Variants in NECTIN1 observed in about 807,000 individuals in gnomAD.
NECTIN1 encodes nectin-1.
A neutral mutation model predicts 48.0 loss-of-function variants in NECTIN1; 23 were observed. The observed-to-expected ratio is 0.48, with a 90% CI of 0.34 to 0.68. The LOEUF (loss-of-function observed/expected upper bound fraction) is 0.68, where lower values mean the gene tolerates loss of function less well. Ranked by LOEUF, NECTIN1 falls within the 30% of genes least tolerant of loss-of-function variation. The pLI is 0.01. For synonymous variants in NECTIN1, 270 were observed against 288.9 expected, an observed-to-expected ratio of 0.93 and a Z score of 0.66; for missense variants, 591 against 709.9, an observed-to-expected ratio of 0.83 and a Z score of 1.90.
intron 1 of NECTIN1, among the ~76,000 whole-genome samples, chr11:119,701,873 C>A (rs117903293): frequency 6.6e-6 from 1 of 152,274 alleles, no homozygotes; most frequent in South Asian, 2.1e-4. Context: ...GCTCCCGCCC[C>A]GTCCCTGTCC....
In NECTIN1 at chr11:119,662,995, A is replaced by G; in HGVS notation, c.*1752T>C. ...TTGCCAGGGCAGAAATGGAGCTGGC[A>G]GGGGGTTCAATAGCAGCACCAGGGA... On this transcript the variant is annotated 3_prime_UTR_variant, in exon 6 of 6. Coordinates refer to ENST00000264025, the MANE Select transcript of NECTIN1 (RefSeq NM_002855.5). This position sits in a 1 kb window ranked among gnomAD's most constrained non-coding sequence, Gnocchi z 5.3. The G allele has an allele frequency of 1.3e-6, 1 of 798,954 alleles. No homozygotes were observed. The highest frequency in any genetic ancestry group is 1.5e-6 in the Non-Finnish European group (1 of 677,022). 49.5% of individuals were successfully genotyped at this position (798,954 alleles called of 1,614,324 possible). A position where few individuals can be genotyped will look rare whatever the true frequency, so the allele number is the denominator to read the frequency against.
At chr11:119,640,090 C>G in intron 5 of NECTIN1, 1 of 1,438,718 alleles carries the variant, frequency 7.0e-7, no homozygotes, top group Non-Finnish European at 9.5e-7. Context: ...GTGAGAGAGT[C>G]AGACCCTGAG....
At chr11:119,714,805 C>T (rs1325665549) in intron 1 of NECTIN1, among the ~76,000 whole-genome samples, 1 of 152,034 alleles carries the variant, frequency 6.6e-6, no homozygotes, top group Non-Finnish European at 1.5e-5. Context: ...GCTTGGAGGG[C>T]CCACCCACAC....
intron 1 of NECTIN1, among the ~76,000 whole-genome samples, chr11:119,718,967 A>T (rs1865785229): frequency 6.6e-6 from 1 of 152,212 alleles, no homozygotes; most frequent in African/African-American, 2.4e-5. Context: ...TTTCATTTCT[A>T]TTTCATATAC....
chr11:119,713,885 G>A (rs768317363), intron 1 of NECTIN1: 6 of 455,880 alleles, frequency 1.3e-5, no homozygotes, highest in Non-Finnish European at 2.6e-5. Flanking sequence ...CCAGTGAGAT[G>A]TCTGATGCCA....
In NECTIN1 at chr11:119,672,031, C is replaced by G. The variant is rs897040926; in HGVS notation, c.1003+3128G>C. ...GGCATGCACACTTGCAGGCTCACAC[C>G]TGCCTCCCTTCCAGGACACTGGCCT... On this transcript the variant is annotated intron_variant, in intron 5 of 5. Coordinates refer to ENST00000264025, the MANE Select transcript of NECTIN1 (RefSeq NM_002855.5). The surrounding 1 kb of genome is among the most constrained non-coding windows in gnomAD (Gnocchi z 4.3). 6.6e-6 allele frequency among the ~76,000 whole-genome samples: 1 copy of G among 152,264 alleles called. No homozygotes were observed. The highest frequency in any genetic ancestry group is 1.5e-5 in the Non-Finnish European group (1 of 68,050).
chr11:119,647,980 C>A (rs191138551), intron 5 of NECTIN1, among the ~76,000 whole-genome samples: 25 of 134,488 alleles, frequency 1.9e-4, no homozygotes, highest in African/African-American at 6.7e-4. Flanking sequence ...AAGAGAATCA[C>A]TTGAACCTGG....
chr11:119,639,613 T>C lies in NECTIN1; in HGVS notation c.1151+252A>G, dbSNP rs1864293910. 5.3e-6 allele frequency: 3 copies of C among 563,842 alleles called. No homozygotes were observed. The South Asian group carries it at 6.0e-5, about 11-fold the overall frequency. The allele number at this position is 563,842 out of a possible 1,614,324, so 34.9% of individuals were successfully genotyped here. ...TGGATGGTAATCATGCACCTGCTCC[T>C]CTGAGCTGCTGTGAGGATAAAATGC... On this transcript the variant is annotated intron_variant, in intron 6 of 7. Transcript: ENST00000341398.
chr11:119,668,562 T>C (rs747897070), intron 5 of NECTIN1, among the ~76,000 whole-genome samples: 28 of 152,206 alleles, frequency 1.8e-4, no homozygotes, highest in Non-Finnish European at 3.2e-4. Flanking sequence ...AGGAGTGCCT[T>C]TCCTCATCCT....
At chr11:119,679,789 C>T (rs1865027329) in intron 1 of NECTIN1, among the ~76,000 whole-genome samples, 1 of 152,204 alleles carries the variant, frequency 6.6e-6, no homozygotes, top group Admixed American at 6.5e-5. Context: ...CTCCTAGACT[C>T]TTACCCAGGC....
chr11:119,727,964 G>A lies in NECTIN1; in HGVS notation c.79+511C>T, dbSNP rs1457692023. On this transcript the variant is annotated intron_variant, in intron 1 of 5. Transcript: ENST00000264025. The surrounding 1 kb of genome is among the most constrained non-coding windows in gnomAD (Gnocchi z 4.1). The stretch of plus-strand genomic sequence containing the variant: ...CGACTCTCCGCGCCCGCTGTGGGGC[G>A]GTGTGGGGCGGGAGGGGGCCCGAGC... 6.6e-6 allele frequency among the ~76,000 whole-genome samples: 1 copy of A among 152,176 alleles called. No homozygotes were observed. Among genetic ancestry groups the A allele is most frequent in the Admixed American group, 6.5e-5 (1 of 15,290 alleles).
chr11:119,639,120 G>A (rs907852082), intron 6 of NECTIN1, among the ~76,000 whole-genome samples: 1 of 152,174 alleles, frequency 6.6e-6, no homozygotes, highest in Non-Finnish European at 1.5e-5. Context: ...CAGCACTGTG[G>A]GCCCTCACCC....
intron 5 of NECTIN1, among the ~76,000 whole-genome samples, chr11:119,650,183 C>T (rs988096962): frequency 5.3e-5 from 8 of 152,204 alleles, no homozygotes; most frequent in African/African-American, 1.9e-4. Flanking sequence ...AAGGCAGGAA[C>T]GGGCCATTTT....
At chr11:119,687,745 A>G (rs1865183739) in intron 1 of NECTIN1, among the ~76,000 whole-genome samples, 1 of 152,202 alleles carries the variant, frequency 6.6e-6, no homozygotes, top group Non-Finnish European at 1.5e-5. Context: ...TCAGCCCCGC[A>G]GGCTTCAGGC....
intron 1 of NECTIN1, among the ~76,000 whole-genome samples, chr11:119,717,031 A>G (rs1206417297): frequency 6.6e-6 from 1 of 152,274 alleles, no homozygotes; most frequent in African/African-American, 2.4e-5. Flanking sequence ...GCTAGCAGTA[A>G]TGGAGTGATG....
intron 5 of NECTIN1, chr11:119,643,072 G>A (rs930718879): frequency 4.6e-5 from 7 of 153,756 alleles, no homozygotes; most frequent in Non-Finnish European, 7.3e-5. Flanking sequence ...GGCCTCACAC[G>A]TGCCAGGGCC....
intron 1 of NECTIN1, among the ~76,000 whole-genome samples, chr11:119,715,267 A>G (rs1490426516): frequency 6.6e-6 from 1 of 152,210 alleles, no homozygotes; most frequent in East Asian, 1.9e-4. Flanking sequence ...CCTGCAGGGC[A>G]GGGAGGTACC....
downstream of NECTIN1, among the ~76,000 whole-genome samples, chr11:119,660,576 G>A (rs142947625): frequency 4.4e-3 from 670 of 152,268 alleles, 3 homozygotes; most frequent in African/African-American, 0.015. Context: ...AGGAGGGGAC[G>A]TGGCAGGAAC....
rs1005783784 is a variant in NECTIN1 at position 119,661,081 on chromosome 11, G to C, written c.*3666C>G. The stretch of plus-strand genomic sequence containing the variant: ...CATTTTTTTTTAATACAAGTAAAAG[G>C]GGGTGATGCAAACACCCCCCAGGTC... On this transcript the variant is annotated 3_prime_UTR_variant, in exon 6 of 6. Coordinates refer to ENST00000264025, the MANE Select transcript of NECTIN1 (RefSeq NM_002855.5). The C allele has an allele frequency of 2.0e-6, 2 of 981,642 alleles. No homozygotes were observed. The highest frequency in any genetic ancestry group is 3.5e-5 in the African/African-American group (2 of 57,042). 60.8% of individuals were successfully genotyped at this position (981,642 alleles called of 1,614,324 possible).
Sources: allele counts gnomAD v4.1 joint callset (sites outside exome capture counted in the v4.1 genomes callset), GRCh38; gene constraint gnomAD v4.1.1; non-coding constraint Gnocchi (gnomAD v3.1); transcripts MANE v1.5; gene names NCBI Gene and HGNC (gene_info 2026-07-23, HGNC 2026-07-21).